Variants in PCDH11X observed in about 807,000 individuals in gnomAD.
The protein encoded by PCDH11X is protocadherin-11 X-linked.
A neutral mutation model predicts 53.3 loss-of-function variants in PCDH11X; 18 were observed. The ratio of observed to expected loss-of-function variants is 0.34; its 90% CI spans 0.23 to 0.50. PCDH11X has a LOEUF of 0.50. Ranked by LOEUF, PCDH11X falls within the 20% of genes least tolerant of loss-of-function variation. The probability of loss-of-function intolerance (pLI) is 0.98; values close to 1 mark genes in which losing one functional copy is unlikely to be tolerated. For missense variants in PCDH11X, 570 were observed against 1,032.4 expected, an observed-to-expected ratio of 0.55 and a Z score of 6.14; for synonymous variants, 279 against 393.3, an observed-to-expected ratio of 0.71 and a Z score of 3.44.
chrX:92,411,588 C>A (rs1176544742), intron 9 of PCDH11X, among the ~76,000 whole-genome samples: 13 of 109,579 alleles, frequency 1.2e-4, no homozygotes, highest in African/African-American at 2.7e-4. Context: ...CATGTCCCTG[C>A]AAAAGAAAGG....
chrX:92,215,215 C>T (rs189054568), intron 7 of PCDH11X, among the ~76,000 whole-genome samples: 24 of 110,326 alleles, frequency 2.2e-4, no homozygotes, highest in African/African-American at 7.9e-4. Context: ...ACAGTGGTTG[C>T]AGCGCACCGT....
rs1286531616 is a variant in PCDH11X at position 92,387,813 on chromosome X, G to T, written c.3223G>T (p.Ala1075Ser). The T allele has an allele frequency of 9.1e-6, 11 of 1,211,844 alleles. No homozygotes were observed. The highest frequency in any genetic ancestry group is 1.7e-5 in the African/African-American group (1 of 57,853). The part of the protein sequence containing the change: ...SSDGGLGDHD[A>S]GSLTSTSHGL... ...TGATGGTGGACTGGGAGACCATGAT[G>T]CAGGCAGCCTTACCAGCACATCTCA... is the stretch of plus-strand genomic sequence containing the variant. The change falls in exon 9 of 11, where the codon GCA becomes TCA. Residue 1075 changes from alanine (A) to serine (S), a missense_variant. By Grantham distance (99) the Ala-to-Ser change is moderately conservative. This residue lies in a region of PCDH11X where 234 missense variants were observed against 296.1 expected (regional missense o/e 0.79). Coordinates refer to ENST00000682573, the MANE Select transcript of PCDH11X (RefSeq NM_032968.5).
chrX:92,051,810 A>C (rs182336655), intron 6 of PCDH11X, among the ~76,000 whole-genome samples: 3 of 110,990 alleles, frequency 2.7e-5, no homozygotes, highest in Middle Eastern at 4.7e-3. Flanking sequence ...ATGGTTGTAC[A>C]ACTGTCTGAA....
rs184600499 is a variant in PCDH11X at position 92,215,199 on chromosome X, C to T, written c.3114+13744C>T. On this transcript the variant is annotated intron_variant, in intron 7 of 10. Coordinates refer to ENST00000682573, the MANE Select transcript of PCDH11X (RefSeq NM_032968.5). ...TCACTAGGGAGTGCCAGACAGTGGG[C>T]GCAGGACAGTGGTTGCAGCGCACCG... is the stretch of plus-strand genomic sequence containing the variant. Among the ~76,000 whole-genome samples the T allele has an allele frequency of 2.0e-3, 225 of 110,313 alleles. 1 individual carries two copies. The highest frequency in any genetic ancestry group is 6.8e-3 in the African/African-American group (206 of 30,388).
intron 6 of PCDH11X, among the ~76,000 whole-genome samples, chrX:92,096,136 T>A (rs2064129796): frequency 8.9e-6 from 1 of 112,092 alleles, no homozygotes; most frequent in African/African-American, 3.2e-5. Flanking sequence ...TGAAGGAAAG[T>A]AAGGTTAGAT....
intron 1 of PCDH11X, among the ~76,000 whole-genome samples, chrX:91,781,667 C>CGT (rs763838247): frequency 2.5e-3 from 265 of 107,396 alleles, no homozygotes; most frequent in African/African-American, 6.7e-3. Context: ...TGTGTGTGCG[C>CGT]GTGTGTGTGT....
At chrX:92,333,547 A>G (rs1306980969) in intron 8 of PCDH11X, among the ~76,000 whole-genome samples, 11 of 111,932 alleles carry the variant, frequency 9.8e-5, no homozygotes, top group Non-Finnish European at 3.8e-5. Context: ...GTGCAGCAAC[A>G]TAAGTCAAGA....
chrX:91,852,020 T>TC (rs1938051586), intron 5 of PCDH11X, among the ~76,000 whole-genome samples: 2 of 107,953 alleles, frequency 1.9e-5, no homozygotes, highest in Admixed American at 1.0e-4. Context: ...TTTTTTTTTT[T>TC]TTTCTTTTTT....
intron 8 of PCDH11X, among the ~76,000 whole-genome samples, chrX:92,273,077 G>A (rs2067993987): frequency 9.0e-6 from 1 of 111,629 alleles, no homozygotes; most frequent in South Asian, 3.8e-4. Flanking sequence ...ATGTTCTGGT[G>A]GTCTCTTTCA....
At chrX:92,167,161 T>C (rs1037487856) in intron 6 of PCDH11X, among the ~76,000 whole-genome samples, 71 of 111,115 alleles carry the variant, frequency 6.4e-4, no homozygotes, top group Middle Eastern at 9.3e-3. Context: ...TGAAGTACTA[T>C]ATTAATCTTT....
chrX:92,358,567 C>T (rs772615267), intron 8 of PCDH11X, among the ~76,000 whole-genome samples: 1 of 93,134 alleles, frequency 1.1e-5, no homozygotes, highest in South Asian at 6.0e-4. Flanking sequence ...AGCCTAGAAA[C>T]TTGATTATTA....
chrX:92,564,765 A>G (rs1921263059), intron 10 of PCDH11X, among the ~76,000 whole-genome samples: 1 of 111,423 alleles, frequency 9.0e-6, no homozygotes, highest in Non-Finnish European at 1.9e-5. Context: ...AAAATGGACC[A>G]ATGGGATTTG....
chrX:92,548,074 G>T (rs5942296), intron 10 of PCDH11X, among the ~76,000 whole-genome samples: 3 of 109,051 alleles, frequency 2.8e-5, no homozygotes, highest in Non-Finnish European at 5.7e-5. Flanking sequence ...CACAATCCAA[G>T]TTTAAATTGT....
intron 6 of PCDH11X, among the ~76,000 whole-genome samples, chrX:91,907,408 C>CAG (rs1361235635): frequency 1.2e-4 from 8 of 66,068 alleles, no homozygotes; most frequent in African/African-American, 5.1e-4. Flanking sequence ...CACACACACA[C>CAG]ACACAGAGAG....
intron 10 of PCDH11X, among the ~76,000 whole-genome samples, chrX:92,612,189 T>C (rs142861004): frequency 6.3e-5 from 7 of 110,814 alleles, no homozygotes; most frequent in African/African-American, 2.3e-4. Flanking sequence ...TTTTTGTATG[T>C]CTGGTACAAT....
At chrX:91,839,338 G>A (rs1937421924) in intron 5 of PCDH11X, among the ~76,000 whole-genome samples, 3 of 108,726 alleles carry the variant, frequency 2.8e-5, no homozygotes, top group Non-Finnish European at 5.7e-5. Context: ...AAAAGACTGG[G>A]CACAGTAGCT....
chrX:92,494,050 G>T (rs2148687924), intron 10 of PCDH11X, among the ~76,000 whole-genome samples: 1 of 106,234 alleles, frequency 9.4e-6, no homozygotes, highest in East Asian at 3.0e-4. Flanking sequence ...AAAGGAAAAT[G>T]AGAAGCATCT....
At chrX:92,038,537 A>G (rs2063163687) in intron 6 of PCDH11X, among the ~76,000 whole-genome samples, 3 of 112,372 alleles carry the variant, frequency 2.7e-5, no homozygotes, top group Admixed American at 9.4e-5. Context: ...AGGTATGGAA[A>G]TGCCTGGATG....
chrX:91,902,552 C>T lies in PCDH11X; in HGVS notation c.3033+23279C>T, dbSNP rs776863500. ...CTCAGCCTGTTCTCATCATTTTATA[C>T]TCTCTCTGTTGTTTTATATATAACC... On this transcript the variant is annotated intron_variant, in intron 6 of 10. Coordinates refer to ENST00000682573, the MANE Select transcript of PCDH11X (RefSeq NM_032968.5). Among the ~76,000 whole-genome samples the T allele has an allele frequency of 5.9e-3, 627 of 106,217 alleles. 1 individual carries two copies. The highest frequency in any genetic ancestry group is 9.9e-3 in the Non-Finnish European group (514 of 51,714). 92.2% of individuals were successfully genotyped at this position (106,217 alleles called of 115,157 possible).
Sources: allele counts gnomAD v4.1 joint callset (sites outside exome capture counted in the v4.1 genomes callset), GRCh38; gene constraint gnomAD v4.1.1; regional missense constraint gnomAD v4.1.1; transcripts MANE v1.5; gene names NCBI Gene and HGNC (gene_info 2026-07-23, HGNC 2026-07-21).